MAGI2: variants seen among roughly 807,000 people sequenced by gnomAD.
The protein encoded by MAGI2 is membrane associated guanylate kinase, WW and PDZ domain containing 2.
Under a neutral mutation model 133.3 loss-of-function variants are expected in MAGI2, and 35 were observed. The ratio of observed to expected loss-of-function variants is 0.26; its 90% CI spans 0.20 to 0.35. The LOEUF (loss-of-function observed/expected upper bound fraction) is 0.35. MAGI2 is among the 10% of genes least tolerant of loss of function. The pLI is 1.00. For synonymous variants in MAGI2, 729 were observed against 710.6 expected, an observed-to-expected ratio of 1.03 and a Z score of -0.41; for missense variants, 1,636 against 1,863.4, an observed-to-expected ratio of 0.88 and a Z score of 2.25.
At chr7:78,992,963 G>A (rs558395605) in intron 2 of MAGI2, among the ~76,000 whole-genome samples, 1 of 151,992 alleles carries the variant, frequency 6.6e-6, no homozygotes, top group African/African-American at 2.4e-5. Context: ...ATTATGTTCT[G>A]AAAGCAATTT....
At position 78,808,830 on chromosome 7, in the gene MAGI2, G is replaced by A. The variant is rs117754934; in HGVS notation, c.419-181591C>T. ...CAGAGGCAGCCCTGCCACTGTGGAGGTAGCTCACCCAGGTAGGGGTGCAGG... is the reference window on the plus strand; with the variant it reads ...CAGAGGCAGCCCTGCCACTGTGGAGATAGCTCACCCAGGTAGGGGTGCAGG... On this transcript the variant is annotated intron_variant, in intron 2 of 21. Transcript: ENST00000354212. Among the ~76,000 whole-genome samples, 32 of 152,270 alleles carry A rather than the reference G, an allele frequency of 2.1e-4. No homozygotes were observed. The East Asian group carries it at 5.6e-3, about 27-fold the overall frequency.
chr7:78,354,786 T>C (rs1241311129), intron 7 of MAGI2, among the ~76,000 whole-genome samples: 1 of 152,144 alleles, frequency 6.6e-6, no homozygotes, highest in Non-Finnish European at 1.5e-5. Context: ...AAAAATACTT[T>C]TGACGAGTTT....
In MAGI2 at chr7:79,195,045, A is replaced by G. The variant is rs527351271; in HGVS notation, c.302-187839T>C. Among the ~76,000 whole-genome samples the G allele has an allele frequency of 1.6e-4, 25 of 152,102 alleles. No homozygotes were observed. The South Asian group carries it at 5.2e-3, about 32-fold the overall frequency. ...TATTAGAAGGCCATTGAACCTAATG[A>G]CTTTTTCGATACTTTCTAATTTTAT... On this transcript the variant is annotated intron_variant, in intron 1 of 21. Transcript: ENST00000354212.
intron 1 of MAGI2, among the ~76,000 whole-genome samples, chr7:79,194,332 A>G (rs1407806747): frequency 6.6e-6 from 1 of 152,012 alleles, no homozygotes; most frequent in Admixed American, 6.6e-5. Flanking sequence ...TTCTACTAGA[A>G]AATATTAATT....
chr7:78,937,797 T>C (rs1037921383), intron 2 of MAGI2, among the ~76,000 whole-genome samples: 2 of 152,172 alleles, frequency 1.3e-5, no homozygotes, highest in Admixed American at 6.6e-5. Context: ...AACTCCTCTG[T>C]GCCTCTGGCT....
chr7:78,711,467 GCTCT>G (rs142012730), intron 2 of MAGI2, among the ~76,000 whole-genome samples: 7,043 of 152,070 alleles, frequency 0.046, 233 homozygotes, highest in Non-Finnish European at 0.071. Flanking sequence ...GTCTGCTTTT[GCTCT>G]CTAATTTTGT....
At chr7:78,160,659 G>A (rs1824882630) in intron 15 of MAGI2, among the ~76,000 whole-genome samples, 1 of 152,150 alleles carries the variant, frequency 6.6e-6, no homozygotes, top group East Asian at 1.9e-4. Context: ...ATGATATGGT[G>A]CATAAGAATC....
intron 1 of MAGI2, among the ~76,000 whole-genome samples, chr7:79,025,032 T>A (rs1454403439): frequency 1.3e-5 from 2 of 152,154 alleles, no homozygotes; most frequent in Admixed American, 1.3e-4. Flanking sequence ...TAAACTGTTC[T>A]ACCATAAAGA....
intron 1 of MAGI2, among the ~76,000 whole-genome samples, chr7:79,058,952 CAAAT>C (rs1813443845): frequency 6.6e-6 from 1 of 151,906 alleles, no homozygotes; most frequent in Non-Finnish European, 1.5e-5. Context: ...AAGTTTGATT[CAAAT>C]AAGTTGTATA....
At chr7:79,151,520 A>T (rs1253373980) in intron 1 of MAGI2, among the ~76,000 whole-genome samples, 1 of 152,166 alleles carries the variant, frequency 6.6e-6, no homozygotes, top group Non-Finnish European at 1.5e-5. Flanking sequence ...GGAGAACTGG[A>T]TGCCTGAACT....
At chr7:78,690,926 T>A (rs555888190) in intron 2 of MAGI2, among the ~76,000 whole-genome samples, 16 of 152,348 alleles carry the variant, frequency 1.1e-4, no homozygotes, top group African/African-American at 3.4e-4. Context: ...TGACACTGCA[T>A]GCAAAGCTGC....
chr7:79,140,389 T>C (rs1423837148), intron 1 of MAGI2, among the ~76,000 whole-genome samples: 1 of 152,216 alleles, frequency 6.6e-6, no homozygotes, highest in Non-Finnish European at 1.5e-5. Context: ...CAAAAGAATA[T>C]GAATTCCTCT....
intron 21 of MAGI2, chr7:78,072,825 G>A (rs187210813): frequency 1.1e-4 from 45 of 397,568 alleles, no homozygotes; most frequent in African/African-American, 7.4e-4. Context: ...ATGCCACCAC[G>A]CTTGGCTAAT....
intron 1 of MAGI2, among the ~76,000 whole-genome samples, chr7:79,348,140 G>C (rs1841452364): frequency 6.6e-6 from 1 of 151,808 alleles, no homozygotes. Context: ...TTTATAATCT[G>C]TGAACAATGC....
chr7:78,072,065 G>C (rs1291739718), intron 21 of MAGI2, among the ~76,000 whole-genome samples: 1 of 152,132 alleles, frequency 6.6e-6, no homozygotes, highest in African/African-American at 2.4e-5. Context: ...TCCCAGAAGT[G>C]GCTGATGGCC....
chr7:78,244,819 C>A (rs798350), intron 10 of MAGI2, among the ~76,000 whole-genome samples: 51,132 of 143,848 alleles, frequency 0.36, 8,904 homozygotes, highest in South Asian at 0.5. Flanking sequence ...ATAATCATCT[C>A]CAAAGATGGC....
intron 2 of MAGI2, among the ~76,000 whole-genome samples, chr7:78,910,834 G>C (rs938708700): frequency 3.1e-4 from 47 of 152,252 alleles, no homozygotes; most frequent in African/African-American, 1.0e-3. Flanking sequence ...ATCTTGACTT[G>C]AATGTCTTAT....
intron 15 of MAGI2, among the ~76,000 whole-genome samples, chr7:78,166,429 C>T (rs1444171377): frequency 6.6e-6 from 1 of 152,182 alleles, no homozygotes; most frequent in Non-Finnish European, 1.5e-5. Context: ...CTCCTGGCAT[C>T]TAGCCCAAGG....
intron 4 of MAGI2, among the ~76,000 whole-genome samples, chr7:78,507,991 T>A (rs1166940579): frequency 6.6e-6 from 1 of 152,210 alleles, no homozygotes; most frequent in Non-Finnish European, 1.5e-5. Context: ...GCCAGCTCCC[T>A]CTGGAGGCAC....
Sources: allele counts gnomAD v4.1 joint callset (sites outside exome capture counted in the v4.1 genomes callset), GRCh38; gene constraint gnomAD v4.1.1; transcripts MANE v1.5; gene names NCBI Gene and HGNC (gene_info 2026-07-23, HGNC 2026-07-21).